The following TCF4 variants were observed in gnomAD, a reference collection of about 807,000 sequenced individuals.
The protein encoded by TCF4 is SL3-3 enhancer factor 2.
TCF4 carries 3 observed loss-of-function variants against 82.1 expected under a neutral mutation model. The observed-to-expected ratio is 0.04, with a 90% CI of 0.02 to 0.09. The LOEUF (loss-of-function observed/expected upper bound fraction) is 0.09, where lower values mean the gene tolerates loss of function less well. Ranked by LOEUF, TCF4 falls within the 10% of genes least tolerant of loss-of-function variation. The pLI is 1.00. For missense variants in TCF4, 518 were observed against 852.7 expected (o/e 0.61, Z 4.89); for synonymous variants, 276 against 309.6 (o/e 0.89, Z 1.14).
At chr18:55,559,639 T>TA (rs34935191) in intron 3 of TCF4, among the ~76,000 whole-genome samples, 107,276 of 148,662 alleles carry the variant, frequency 0.72, 38,813 homozygotes, top group East Asian at 0.9. Flanking sequence ...GTTTTTTCTT[T>TA]AAAAAAAAAA....
intron 5 of TCF4, among the ~76,000 whole-genome samples, chr18:55,455,857 C>T (rs1442855920): frequency 6.6e-6 from 1 of 152,160 alleles, no homozygotes; most frequent in Non-Finnish European, 1.5e-5. Context: ...TGTAGTCATG[C>T]TTTTCCTTTG....
intron 3 of TCF4, among the ~76,000 whole-genome samples, chr18:55,479,583 T>C (rs2096376789): frequency 6.6e-6 from 1 of 152,120 alleles, no homozygotes; most frequent in Admixed American, 6.5e-5. Flanking sequence ...ACCTGGCCCT[T>C]AAAATTTCCC....
intron 8 of TCF4, among the ~76,000 whole-genome samples, chr18:55,310,166 T>C (rs2071841542): frequency 6.6e-6 from 1 of 152,168 alleles, no homozygotes; most frequent in Admixed American, 6.5e-5. Context: ...GTGATTTTAC[T>C]AGAATGTGTT....
intron 3 of TCF4, among the ~76,000 whole-genome samples, chr18:55,516,611 A>G (rs2096884392): frequency 6.6e-6 from 1 of 152,172 alleles, no homozygotes; most frequent in African/African-American, 2.4e-5. Context: ...AATGACTGTA[A>G]TCTTCAAGAG....
chr18:55,608,485 G>A (rs928260308), intron 2 of TCF4, among the ~76,000 whole-genome samples: 17 of 149,590 alleles, frequency 1.1e-4, no homozygotes, highest in African/African-American at 3.7e-4. Flanking sequence ...AGTTAAATAC[G>A]CATCTCCATT....
intron 3 of TCF4, chr18:55,483,090 C>T (rs1271952433): frequency 6.6e-6 from 1 of 152,176 alleles, no homozygotes. Flanking sequence ...CCCTCAGTAC[C>T]CAGCACGGGG....
At chr18:55,246,724 G>A (rs1210797596) in intron 15 of TCF4, among the ~76,000 whole-genome samples, 1 of 148,420 alleles carries the variant, frequency 6.7e-6, no homozygotes, top group East Asian at 1.9e-4. Flanking sequence ...TTTTTTTTCA[G>A]TTTTAAAAAA....
At chr18:55,597,581 C>A (rs1042900621) in intron 2 of TCF4, among the ~76,000 whole-genome samples, 1 of 151,810 alleles carries the variant, frequency 6.6e-6, no homozygotes, top group African/African-American at 2.4e-5. Flanking sequence ...GCACGAGAAT[C>A]ACTTGAACCT....
chr18:55,381,513 A>C (rs2091894774), intron 6 of TCF4, among the ~76,000 whole-genome samples: 1 of 152,242 alleles, frequency 6.6e-6, no homozygotes, highest in Non-Finnish European at 1.5e-5. Flanking sequence ...AAATGGTGCT[A>C]CTGCAGCATA....
chr18:55,375,201 TATATAA>T (rs1340934329), intron 6 of TCF4, among the ~76,000 whole-genome samples: 1 of 151,116 alleles, frequency 6.6e-6, no homozygotes, highest in Non-Finnish European at 1.5e-5. Context: ...TTAAATAAAA[TATATAA>T]ATATAAAAAT....
intron 3 of TCF4, among the ~76,000 whole-genome samples, chr18:55,579,156 C>T (rs2097554307): frequency 1.3e-5 from 2 of 151,050 alleles, no homozygotes; most frequent in Admixed American, 1.3e-4. Context: ...ATTATTATTT[C>T]TCTTATATCT....
intron 2 of TCF4, among the ~76,000 whole-genome samples, chr18:55,629,587 G>A (rs1234453101): frequency 1.3e-5 from 2 of 152,154 alleles, no homozygotes; most frequent in East Asian, 1.9e-4. Context: ...CTCAGAACCC[G>A]GGTGAGTGAA....
At chr18:55,407,081 C>CG (rs1206823234) in intron 5 of TCF4, among the ~76,000 whole-genome samples, 1 of 148,536 alleles carries the variant, frequency 6.7e-6, no homozygotes, top group Non-Finnish European at 1.5e-5. Flanking sequence ...GGGGTTGGTG[C>CG]GGGGGGCGGG....
At chr18:55,562,891 A>C (rs887924224) in intron 3 of TCF4, among the ~76,000 whole-genome samples, 1 of 152,140 alleles carries the variant, frequency 6.6e-6, no homozygotes, top group Non-Finnish European at 1.5e-5. Context: ...ACATAGATAC[A>C]TAAATTATAC....
chr18:55,443,831 T>C (rs2095481427), intron 5 of TCF4, among the ~76,000 whole-genome samples: 1 of 152,194 alleles, frequency 6.6e-6, no homozygotes, highest in African/African-American at 2.4e-5. Flanking sequence ...TGCCCTACAA[T>C]AGTAACAGGG....
intron 15 of TCF4, among the ~76,000 whole-genome samples, chr18:55,241,318 G>C (rs746764431): frequency 6.6e-6 from 1 of 152,166 alleles, no homozygotes; most frequent in Non-Finnish European, 1.5e-5. Flanking sequence ...ACCATAACTG[G>C]AGAGAGCTCA....
chr18:55,562,577 G>A (rs1384651611), intron 3 of TCF4, among the ~76,000 whole-genome samples: 1 of 152,120 alleles, frequency 6.6e-6, no homozygotes, highest in Non-Finnish European at 1.5e-5. Context: ...CCAGCAGTGT[G>A]TCCCCCTGAC....
intron 5 of TCF4, among the ~76,000 whole-genome samples, chr18:55,447,712 A>G (rs1332940988): frequency 6.6e-6 from 1 of 152,228 alleles, no homozygotes; most frequent in Non-Finnish European, 1.5e-5. Flanking sequence ...CAAGCAGCCA[A>G]TGAAACTTTT....
At chr18:55,588,583 C>T (rs1325442867), upstream of TCF4, 5 of 1,521,026 alleles carry the variant, frequency 3.3e-6, no homozygotes, top group Non-Finnish European at 4.4e-6. Flanking sequence ...CCCCTCACTT[C>T]TTTCTTTCTC....
Sources: gnomAD v4.1 joint callset for allele counts (sites outside exome capture counted in the v4.1 genomes callset) on GRCh38, gnomAD v4.1.1 for gene constraint, MANE v1.5 for transcripts, NCBI Gene and HGNC (gene_info 2026-07-23, HGNC 2026-07-21) for gene names.